ADAR: variants seen among roughly 807,000 people sequenced by gnomAD.
The protein encoded by ADAR is double-stranded RNA-specific adenosine deaminase.
ADAR carries 41 observed loss-of-function variants against 113.2 expected under a neutral mutation model. That is an observed-to-expected ratio of 0.36 (90% confidence interval 0.28 to 0.47). The LOEUF (loss-of-function observed/expected upper bound fraction) is 0.47. ADAR is among the 20% of genes least tolerant of loss of function. ADAR has a pLI of 1.00. For missense variants in ADAR, 1,242 were observed against 1,540.9 expected, an observed-to-expected ratio of 0.81 and a Z score of 3.25; for synonymous variants, 605 against 572.6, an observed-to-expected ratio of 1.06 and a Z score of -0.81.
chr1:154,608,198 C>T, upstream of ADAR: 1 of 647,814 alleles, frequency 1.5e-6, no homozygotes, highest in Non-Finnish European at 2.4e-6. Context: ...ATTTCGCTTT[C>T]GTTTCCTCGG....
intron 10 of ADAR, 102 bp downstream of exon 10, chr1:154,588,449 C>T: frequency 6.5e-7 from 1 of 1,549,510 alleles, no homozygotes; most frequent in Non-Finnish European, 8.8e-7. Flanking sequence ...TGGAGTGTGG[C>T]TTATTGTATC....
At chr1:154,592,203 C>T (rs1043301602) in intron 6 of ADAR, among the ~76,000 whole-genome samples, 3 of 152,170 alleles carry the variant, frequency 2.0e-5, no homozygotes, top group Non-Finnish European at 2.9e-5. Flanking sequence ...CAGTGTCCTT[C>T]GCCTAGAACC....
At chr1:154,614,988 G>C (rs1374921040) in intron 1 of ADAR, among the ~76,000 whole-genome samples, 1 of 152,226 alleles carries the variant, frequency 6.6e-6, no homozygotes, top group Non-Finnish European at 1.5e-5. Context: ...TGAAGACAGA[G>C]TAGAGAATGA....
chr1:154,588,801 G>C lies in ADAR; in HGVS notation c.2763-128C>G. 11 of 1,342,280 alleles carry C rather than the reference G, an allele frequency of 8.2e-6. No homozygotes were observed. In the South Asian group the frequency reaches 1.2e-4, roughly 15 times the overall value. 83.1% of individuals were successfully genotyped at this position (1,342,280 alleles called of 1,614,324 possible). Reference sequence around the variant, plus strand: ...GTTGCAGACGTTTCACAGTTTATCAGGTGGAAATTCTCCAGGGGAGACCTC... The same window carrying C: ...GTTGCAGACGTTTCACAGTTTATCACGTGGAAATTCTCCAGGGGAGACCTC... On this transcript the variant is annotated intron_variant, in intron 9 of 14. Coordinates refer to ENST00000368474, the MANE Select transcript of ADAR (RefSeq NM_001111.5).
intron 13 of ADAR, 91 bp downstream of exon 13, chr1:154,585,662 C>T (rs2101562440): frequency 2.6e-6 from 3 of 1,138,180 alleles, no homozygotes; most frequent in South Asian, 2.6e-5. Context: ...GGGCAATGTT[C>T]CCCTTGCCCA....
At chr1:154,610,175 G>T (rs1441454917), upstream of ADAR, among the ~76,000 whole-genome samples, 1 of 152,174 alleles carries the variant, frequency 6.6e-6, no homozygotes, top group Non-Finnish European at 1.5e-5. Context: ...CCAGGTGGCA[G>T]CAAGGATGCA....
chr1:154,600,061 GGGA>G (rs1405757349), intron 2 of ADAR: 2 of 152,406 alleles, frequency 1.3e-5, no homozygotes, highest in African/African-American at 4.8e-5. Flanking sequence ...AAACGGCTTA[GGGA>G]GGAGGGGAAG....
upstream of ADAR, among the ~76,000 whole-genome samples, chr1:154,609,632 G>A (rs1337297118): frequency 6.6e-6 from 1 of 152,212 alleles, no homozygotes; most frequent in Non-Finnish European, 1.5e-5. Flanking sequence ...AGGAGGGGGA[G>A]CAGGTGCTGT....
At chr1:154,613,130 A>G (rs1349355579), upstream of ADAR, among the ~76,000 whole-genome samples, 1 of 151,956 alleles carries the variant, frequency 6.6e-6, no homozygotes, top group Non-Finnish European at 1.5e-5. Flanking sequence ...AATTTCCAAA[A>G]TTCACAGTAG....
intron 1 of ADAR, among the ~76,000 whole-genome samples, chr1:154,621,905 T>C (rs1698799214): frequency 6.6e-6 from 1 of 152,146 alleles, no homozygotes; most frequent in African/African-American, 2.4e-5. Context: ...CAAGTCTCTA[T>C]TTGTAGGAGA....
At chr1:154,615,474 G>C (rs894634963) in intron 1 of ADAR, among the ~76,000 whole-genome samples, 1 of 152,178 alleles carries the variant, frequency 6.6e-6, no homozygotes, top group Non-Finnish European at 1.5e-5. Flanking sequence ...CAGTGGTACA[G>C]TCATGTCTCA....
rs1406350420 is a variant in ADAR, at chr1:154,584,961, C to T, written c.3526G>A (p.Asp1176Asn). ...TCACCATAGGAGAGTCTCAGTAGAT[C>T]CCTGCGGTAACGGAAGGAGCAGAGC... is the stretch of plus-strand genomic sequence containing the variant. ...KKLCSFRYRR[D>N]LLRLSYGEAK... Residue 1176 changes from aspartate (D) to asparagine (N), a missense_variant, in exon 15 of 15, where the codon GAT (aspartate) becomes AAT (asparagine). Transcript: ENST00000368474. 6.2e-7 allele frequency: 1 copy of T among 1,614,002 alleles called. No homozygotes were observed. Among genetic ancestry groups the T allele is most frequent in the Non-Finnish European group, 8.5e-7 (1 of 1,180,036 alleles).
At chr1:154,586,809 G>A (rs993138052) in intron 11 of ADAR, among the ~76,000 whole-genome samples, 6 of 152,138 alleles carry the variant, frequency 3.9e-5, no homozygotes, top group Admixed American at 2.6e-4. Context: ...GGCAGCCAGC[G>A]GATTGGCTGT....
chr1:154,622,207 G>T (rs555841407), intron 1 of ADAR, among the ~76,000 whole-genome samples: 4 of 152,214 alleles, frequency 2.6e-5, no homozygotes, highest in Admixed American at 2.6e-4. Flanking sequence ...GCTGCGTTTG[G>T]GTGAAGACCA....
At chr1:154,610,024 C>T (rs149042683), upstream of ADAR, among the ~76,000 whole-genome samples, 2 of 152,100 alleles carry the variant, frequency 1.3e-5, no homozygotes, top group Non-Finnish European at 2.9e-5. Flanking sequence ...CAAAAACAAT[C>T]GAAAGACAAC....
intron 6 of ADAR, among the ~76,000 whole-genome samples, chr1:154,594,373 C>T (rs1325999628): frequency 6.6e-6 from 1 of 152,180 alleles, no homozygotes; most frequent in Admixed American, 6.5e-5. Context: ...TTCGATCCTT[C>T]AAGAAAATAT....
intron 6 of ADAR, among the ~76,000 whole-genome samples, chr1:154,591,120 A>G (rs1011778957): frequency 3.3e-5 from 5 of 152,226 alleles, no homozygotes; most frequent in African/African-American, 9.6e-5. Flanking sequence ...ACAGAATATG[A>G]TAAAATCATG....
At chr1:154,598,096 C>T in intron 3 of ADAR, 120 bp from the exon 4 acceptor site, 1 of 1,244,012 alleles carries the variant, frequency 8.0e-7, no homozygotes. Flanking sequence ...GTTGGCTTCC[C>T]AAAGTTAAAG....
At chr1:154,622,758 T>A (rs1366673408) in intron 1 of ADAR, among the ~76,000 whole-genome samples, 1 of 152,244 alleles carries the variant, frequency 6.6e-6, no homozygotes, top group African/African-American at 2.4e-5. Flanking sequence ...TCATGCAGAC[T>A]GGAATGTTCA....
Sources: allele counts gnomAD v4.1 joint callset (sites outside exome capture counted in the v4.1 genomes callset), GRCh38; gene constraint gnomAD v4.1.1; transcripts MANE v1.5; gene names NCBI Gene and HGNC (gene_info 2026-07-23, HGNC 2026-07-21).